Variants in CDH13 observed in about 807,000 individuals in gnomAD.
The protein encoded by CDH13 is cadherin-13.
A neutral mutation model predicts 63.8 loss-of-function variants in CDH13; 24 were observed. That is an observed-to-expected ratio of 0.38 (90% CI 0.27 to 0.53). The LOEUF is 0.53. Ranked by LOEUF, CDH13 falls within the 20% of genes least tolerant of loss-of-function variation. CDH13 has a pLI of 0.85. For missense variants in CDH13, 1,049 were observed against 903.1 expected (o/e 1.16, Z -2.07); for synonymous variants, 503 against 355.3 (o/e 1.42, Z -4.67).
At chr16:82,797,000 C>G (rs1449761451) in intron 1 of CDH13, among the ~76,000 whole-genome samples, 1 of 152,296 alleles carries the variant, frequency 6.6e-6, no homozygotes, top group African/African-American at 2.4e-5. Context: ...TTTTCTTCTG[C>G]CAAACCAGCC....
intron 5 of CDH13, among the ~76,000 whole-genome samples, chr16:83,300,180 T>C (rs1340178099): frequency 6.6e-6 from 1 of 152,218 alleles, no homozygotes; most frequent in East Asian, 1.9e-4. Context: ...GATATGCTCA[T>C]AGAGCTGATA....
At chr16:82,892,100 C>G (rs1313031369) in intron 2 of CDH13, among the ~76,000 whole-genome samples, 2 of 152,122 alleles carry the variant, frequency 1.3e-5, no homozygotes, top group African/African-American at 4.8e-5. Flanking sequence ...CAGCTCATCC[C>G]TTTATGAGCT....
chr16:83,236,455 C>T (rs1350884216), intron 5 of CDH13, among the ~76,000 whole-genome samples: 1 of 152,074 alleles, frequency 6.6e-6, no homozygotes, highest in Non-Finnish European at 1.5e-5. Context: ...AAAATCTTAA[C>T]CATTATAGAA....
intron 1 of CDH13, among the ~76,000 whole-genome samples, chr16:82,735,920 C>A (rs923976392): frequency 2.0e-5 from 3 of 152,116 alleles, no homozygotes; most frequent in African/African-American, 7.2e-5. Flanking sequence ...ATTGACAGCA[C>A]GAGAAAAACC....
intron 6 of CDH13, among the ~76,000 whole-genome samples, chr16:83,475,876 T>C (rs553764859): frequency 6.6e-6 from 1 of 152,288 alleles, no homozygotes; most frequent in South Asian, 2.1e-4. Flanking sequence ...TGAGCCACCA[T>C]GCCTGGCCTA....
intron 1 of CDH13, among the ~76,000 whole-genome samples, chr16:82,838,094 C>A (rs1435750388): frequency 6.6e-6 from 1 of 152,212 alleles, no homozygotes; most frequent in Non-Finnish European, 1.5e-5. Flanking sequence ...CAAAGCCTTA[C>A]CTTGGTGCTA....
intron 1 of CDH13, among the ~76,000 whole-genome samples, chr16:82,839,967 C>T (rs1324230793): frequency 6.6e-6 from 1 of 152,132 alleles, no homozygotes; most frequent in Admixed American, 6.5e-5. Context: ...AAAGGACTGA[C>T]TCATGAAATT....
At chr16:83,696,098 C>G (rs565167819) in intron 10 of CDH13, among the ~76,000 whole-genome samples, 2 of 151,842 alleles carry the variant, frequency 1.3e-5, no homozygotes, top group Non-Finnish European at 2.9e-5. Context: ...GCCATGTTGC[C>G]CAGGTGGTTC....
At chr16:83,561,123 A>G (rs1344235738) in intron 7 of CDH13, among the ~76,000 whole-genome samples, 1 of 152,030 alleles carries the variant, frequency 6.6e-6, no homozygotes, top group East Asian at 1.9e-4. Context: ...CTTGAAAAAT[A>G]CTCATTCAGG....
chr16:82,713,196 G>A (rs888737249), intron 1 of CDH13, among the ~76,000 whole-genome samples: 2 of 152,128 alleles, frequency 1.3e-5, no homozygotes, highest in African/African-American at 4.8e-5. Flanking sequence ...TTTGGATGCT[G>A]AATAAACCTG....
Position 83,255,599 on chromosome 16 carries a change from C to A in CDH13, c.636+38102C>A, listed in dbSNP as rs373904110. 1.1e-3 allele frequency among the ~76,000 whole-genome samples: 174 copies of A among 152,320 alleles called. 1 individual carries two copies. Among genetic ancestry groups the A allele is most frequent in the African/African-American group, 3.9e-3 (164 of 41,580 alleles). On this transcript the variant is annotated intron_variant, in intron 5 of 13. Coordinates refer to ENST00000567109, the MANE Select transcript of CDH13 (RefSeq NM_001257.5). The stretch of plus-strand genomic sequence containing the variant: ...ACAAGGGCTGTGCTGGCCCAAACAT[C>A]AATGTCTCATTTAACTTTTGAAAAT...
intron 10 of CDH13, among the ~76,000 whole-genome samples, chr16:83,708,038 G>C (rs530212952): frequency 6.6e-6 from 1 of 152,046 alleles, no homozygotes; most frequent in African/African-American, 2.4e-5. Context: ...GCACCAGAAG[G>C]CATGAGCTCC....
rs1307101350 is a variant in CDH13, at chr16:83,464,025, G to C, written c.782-22452G>C. On this transcript the variant is annotated intron_variant, in intron 6 of 13. Transcript: ENST00000567109. ...GGGAGAGGGTGAGAAAGAAACATCA[G>C]CCAGATTCGGAAGCTCCTTTATGCT... Among the ~76,000 whole-genome samples, 4 of 152,164 alleles carry C rather than the reference G, an allele frequency of 2.6e-5. No homozygotes were observed. The East Asian group carries it at 5.8e-4, about 22-fold the overall frequency.
At chr16:83,509,076 G>A (rs1484313005) in intron 7 of CDH13, among the ~76,000 whole-genome samples, 1 of 152,174 alleles carries the variant, frequency 6.6e-6, no homozygotes, top group Admixed American at 6.5e-5. Flanking sequence ...TTGAAGCCAA[G>A]TTTCCATAAT....
At chr16:82,984,601 T>C (rs1202700274) in intron 2 of CDH13, among the ~76,000 whole-genome samples, 1 of 152,222 alleles carries the variant, frequency 6.6e-6, no homozygotes, top group African/African-American at 2.4e-5. Flanking sequence ...TTTCAACTCA[T>C]GTATTAGCTC....
At chr16:82,854,663 T>A (rs1453315733) in intron 1 of CDH13, among the ~76,000 whole-genome samples, 1 of 152,198 alleles carries the variant, frequency 6.6e-6, no homozygotes, top group Non-Finnish European at 1.5e-5. Context: ...TAATTCGTAA[T>A]CATCTTTGAG....
At chr16:83,316,872 TCTGGG>T (rs570464163) in intron 5 of CDH13, among the ~76,000 whole-genome samples, 5 of 152,204 alleles carry the variant, frequency 3.3e-5, no homozygotes, top group Admixed American at 1.3e-4. Flanking sequence ...CTGAGCTTCA[TCTGGG>T]CTGGGCTGGG....
chr16:82,974,510 C>T (rs1307152712), intron 2 of CDH13, among the ~76,000 whole-genome samples: 1 of 152,136 alleles, frequency 6.6e-6, no homozygotes, highest in African/African-American at 2.4e-5. Context: ...ATAATGACCC[C>T]AATGATATCC....
At chr16:83,741,293 A>G (rs1230775611) in intron 10 of CDH13, among the ~76,000 whole-genome samples, 1 of 152,154 alleles carries the variant, frequency 6.6e-6, no homozygotes, top group Non-Finnish European at 1.5e-5. Flanking sequence ...AATAATAAAT[A>G]CGGGGTCCAG....
Sources: allele counts gnomAD v4.1 joint callset (sites outside exome capture counted in the v4.1 genomes callset), GRCh38; gene constraint gnomAD v4.1.1; transcripts MANE v1.5; gene names NCBI Gene and HGNC (gene_info 2026-07-23, HGNC 2026-07-21).